The following RAB38 variants were observed in gnomAD, a reference collection of about 807,000 sequenced individuals.
RAB38 encodes RAB38, member RAS oncogene family.
RAB38 carries 15 observed loss-of-function variants against 18.4 expected under a neutral mutation model. That is an observed-to-expected ratio of 0.82 (90% CI 0.55 to 1.26). RAB38 has a LOEUF of 1.26. RAB38 is among the 50% of genes most tolerant of loss of function. The pLI, the probability that RAB38 is intolerant of heterozygous loss-of-function variation, is 0.00. For synonymous variants in RAB38, 101 were observed against 104.4 expected (o/e 0.97, Z 0.20); for missense variants, 294 against 267.4 (o/e 1.10, Z -0.69).
the RAB38 span, among the ~76,000 whole-genome samples, chr11:88,011,938 G>A: frequency 2.0e-5 from 3 of 152,172 alleles, no homozygotes; most frequent in East Asian, 1.9e-4. Flanking sequence ...TGCTCCATTC[G>A]TGTTGTTCTG....
At chr11:88,091,753 G>C in the RAB38 span, among the ~76,000 whole-genome samples, 3 of 151,950 alleles carry the variant, frequency 2.0e-5, no homozygotes, top group African/African-American at 7.2e-5. Context: ...CTTGGCTTTA[G>C]CTGGGAAAAA....
At chr11:88,036,094 T>A in the RAB38 span, among the ~76,000 whole-genome samples, 1 of 152,202 alleles carries the variant, frequency 6.6e-6, no homozygotes, top group African/African-American at 2.4e-5. Context: ...AGCAAGATTA[T>A]GATTATTGTT....
the RAB38 span, among the ~76,000 whole-genome samples, chr11:88,075,546 A>C: frequency 2.6e-5 from 4 of 152,222 alleles, no homozygotes; most frequent in African/African-American, 9.6e-5. Context: ...CGTAGTACTA[A>C]GAGGGACATT....
chr11:88,073,141 C>G, the RAB38 span, among the ~76,000 whole-genome samples: 1 of 152,076 alleles, frequency 6.6e-6, no homozygotes, highest in Non-Finnish European at 1.5e-5. Context: ...TGGCAAGATA[C>G]CTTTCAACAC....
At chr11:87,829,654 G>C in the RAB38 span, among the ~76,000 whole-genome samples, 55 of 152,144 alleles carry the variant, frequency 3.6e-4, no homozygotes, top group South Asian at 0.011. Context: ...ATGAGATTTG[G>C]GTGGAGACAC....
chr11:87,920,373 CTT>C, the RAB38 span, among the ~76,000 whole-genome samples: 392 of 151,954 alleles, frequency 2.6e-3, 1 homozygote, highest in African/African-American at 9.1e-3. Context: ...AAAAAATTCT[CTT>C]TTGATTTATT....
chr11:88,011,975 GCACA>G, the RAB38 span, among the ~76,000 whole-genome samples: 1 of 152,108 alleles, frequency 6.6e-6, no homozygotes. Context: ...CTACCATGGG[GCACA>G]CTCACTCTCT....
intron 2 of RAB38, among the ~76,000 whole-genome samples, chr11:88,125,828 C>G (rs1276425967): frequency 6.6e-6 from 1 of 152,064 alleles, no homozygotes; most frequent in African/African-American, 2.4e-5. Flanking sequence ...AGGTTTTCTT[C>G]TAGGGTTTTT....
chr11:87,955,497 A>ATC, the RAB38 span, among the ~76,000 whole-genome samples: 1 of 152,148 alleles, frequency 6.6e-6, no homozygotes, highest in African/African-American at 2.4e-5. Context: ...TACTTCCTGA[A>ATC]TCTAAAATAA....
rs34672019 is a variant in RAB38, at chr11:88,113,532, T to A, written c.*456A>T. 17 of 163,628 alleles carry A rather than the reference T, an allele frequency of 1.0e-4. No individual in the cohort carries two copies. The Middle Eastern group carries it at 9.5e-3, about 92-fold the overall frequency. 10.1% of individuals were successfully genotyped at this position (163,628 alleles called of 1,614,324 possible). A position where few individuals can be genotyped will look rare whatever the true frequency, so the allele number is the denominator to read the frequency against. ...TTAGGTCTGCCGAGAATGGAGGTCA[T>A]CTTGGGAGAAAATATCACATCTACT... On this transcript the variant is annotated 3_prime_UTR_variant, in exon 3 of 3. Transcript: ENST00000243662.
chr11:87,878,222 T>TATATATATATAC, the RAB38 span, among the ~76,000 whole-genome samples: 60 of 116,206 alleles, frequency 5.2e-4, 5 homozygotes, highest in Middle Eastern at 0.012. Flanking sequence ...TATATATATA[T>TATATATATATAC]ACACACATAT....
the RAB38 span, among the ~76,000 whole-genome samples, chr11:87,947,235 G>GTTGTTTGT: frequency 0.023 from 3,459 of 150,318 alleles, 133 homozygotes; most frequent in African/African-American, 0.081. Flanking sequence ...TTTTGATGGG[G>GTTGTTTGT]TTGTTTTTTT....
chr11:87,956,267 T>G, the RAB38 span, among the ~76,000 whole-genome samples: 7 of 152,208 alleles, frequency 4.6e-5, no homozygotes, highest in Admixed American at 1.3e-4. Context: ...TCAAACTACA[T>G]CCAGCAAATA....
intron 2 of RAB38, among the ~76,000 whole-genome samples, chr11:88,116,517 C>T (rs35220627): frequency 0.03 from 4,550 of 152,260 alleles, 246 homozygotes; most frequent in African/African-American, 0.1. Context: ...AAGGCTTCCC[C>T]AGAATCACAC....
the RAB38 span, among the ~76,000 whole-genome samples, chr11:88,071,904 T>C: frequency 6.6e-6 from 1 of 152,158 alleles, no homozygotes; most frequent in African/African-American, 2.4e-5. Context: ...ACAAAACAGC[T>C]CAATTCCTGG....
chr11:87,872,484 C>T, the RAB38 span, among the ~76,000 whole-genome samples: 11 of 151,434 alleles, frequency 7.3e-5, no homozygotes, highest in Admixed American at 2.0e-4. Context: ...TTTACATTAG[C>T]GTTCACTCTT....
the RAB38 span, among the ~76,000 whole-genome samples, chr11:87,963,183 C>T: frequency 6.6e-6 from 1 of 152,096 alleles, no homozygotes; most frequent in Non-Finnish European, 1.5e-5. Context: ...TACCAACTCA[C>T]ACATATAATA....
the RAB38 span, among the ~76,000 whole-genome samples, chr11:88,103,878 C>T: frequency 5.3e-5 from 8 of 152,148 alleles, no homozygotes; most frequent in South Asian, 1.7e-3. Flanking sequence ...TTTCTGGCTT[C>T]TATGGTGTGC....
the RAB38 span, among the ~76,000 whole-genome samples, chr11:87,855,570 A>G: frequency 8.5e-5 from 13 of 152,320 alleles, no homozygotes; most frequent in Non-Finnish European, 1.9e-4. Context: ...TGGAGAATAG[A>G]AAAAATACAG....
Sources: allele counts gnomAD v4.1 joint callset (sites outside exome capture counted in the v4.1 genomes callset), GRCh38; gene constraint gnomAD v4.1.1; transcripts MANE v1.5; gene names NCBI Gene and HGNC (gene_info 2026-07-23, HGNC 2026-07-21).